ARL17B: variants seen among roughly 807,000 people sequenced by gnomAD.
ARL17B encodes the protein ARF like GTPase 17B.
chr17:46,325,877 A>G (rs2051707109), intron 3 of ARL17B, among the ~76,000 whole-genome samples: 1 of 71,558 alleles, frequency 1.4e-5, no homozygotes, highest in Non-Finnish European at 4.7e-5. Flanking sequence ...TGAAAGTTAT[A>G]CAGGTGTTCA....
At chr17:46,298,509 CAGG>C (rs1371206122), downstream of ARL17B, among the ~76,000 whole-genome samples, 1 of 11,508 alleles carries the variant, frequency 8.7e-5, no homozygotes, top group Non-Finnish European at 4.5e-4. Flanking sequence ...ATCATGAGGT[CAGG>C]AGATCAAGAC....
intron 4 of ARL17B, among the ~76,000 whole-genome samples, chr17:46,291,789 AC>A (rs1250426392): frequency 6.6e-6 from 1 of 151,616 alleles, no homozygotes; most frequent in Non-Finnish European, 1.5e-5. Context: ...AACAATAACA[AC>A]AAAAAACACC....
intron 4 of ARL17B, among the ~76,000 whole-genome samples, chr17:46,286,198 T>G (rs1357390421): frequency 6.6e-6 from 1 of 152,266 alleles, no homozygotes; most frequent in Non-Finnish European, 1.5e-5. Context: ...TAAAATAGTT[T>G]TAGTATTGTG....
At chr17:46,340,963 ACTC>A (rs1275430356) in intron 3 of ARL17B, among the ~76,000 whole-genome samples, 2 of 72,798 alleles carry the variant, frequency 2.7e-5, no homozygotes, top group African/African-American at 4.3e-5. Flanking sequence ...CTGGTTTTGA[ACTC>A]CTGGCCTCAA....
At chr17:46,284,444 G>T (rs2049852264) in intron 4 of ARL17B, among the ~76,000 whole-genome samples, 1 of 152,264 alleles carries the variant, frequency 6.6e-6, no homozygotes, top group African/African-American at 2.4e-5. Flanking sequence ...AGAGCACGGG[G>T]TTGGGGGTAA....
chr17:46,288,354 G>GCT (rs1407685897), intron 4 of ARL17B, among the ~76,000 whole-genome samples: 1 of 147,572 alleles, frequency 6.8e-6, no homozygotes, highest in Non-Finnish European at 1.5e-5. Flanking sequence ...TGTCTCCCAG[G>GCT]CTGGAGTACA....
At chr17:46,282,001 C>T (rs1349571579) in intron 4 of ARL17B, among the ~76,000 whole-genome samples, 1 of 152,074 alleles carries the variant, frequency 6.6e-6, no homozygotes, top group African/African-American at 2.4e-5. Flanking sequence ...GCCTACTTTT[C>T]TTGCTTCCTT....
At chr17:46,275,145 G>T (rs1413077563) in exon 5 of ARL17B, 1 of 257,530 alleles carries the variant, frequency 3.9e-6, no homozygotes, top group Non-Finnish European at 7.0e-6. Context: ...GCCCGCCTTG[G>T]CCTCCCAAAG....
At chr17:46,287,417 T>C (rs2049948751) in intron 4 of ARL17B, among the ~76,000 whole-genome samples, 1 of 152,192 alleles carries the variant, frequency 6.6e-6, no homozygotes, top group African/African-American at 2.4e-5. Context: ...CAATTTAAAT[T>C]TGAAAACAAA....
intron 3 of ARL17B, among the ~76,000 whole-genome samples, chr17:46,321,913 T>A (rs2143910144): frequency 1.7e-4 from 1 of 5,904 alleles, no homozygotes; most frequent in African/African-American, 2.7e-4. Context: ...AGACTCCATC[T>A]CAAAAAAAAA....
At chr17:46,289,689 T>G (rs1342376495) in intron 4 of ARL17B, among the ~76,000 whole-genome samples, 2 of 152,216 alleles carry the variant, frequency 1.3e-5, no homozygotes, top group Non-Finnish European at 2.9e-5. Context: ...ATACCAAAAA[T>G]ATTCCCAAAA....
chr17:46,291,833 C>T (rs576805408), intron 4 of ARL17B, among the ~76,000 whole-genome samples: 62 of 152,062 alleles, frequency 4.1e-4, no homozygotes, highest in African/African-American at 1.4e-3. Flanking sequence ...GCATGGCACG[C>T]GCCTGTAGTC....
Position 46,291,969 on chromosome 17 carries a change from CAA to C in ARL17B, c.*21+7555_*21+7556del, listed in dbSNP as rs59554870. 1.5e-3 allele frequency among the ~76,000 whole-genome samples: 89 copies of C among 58,090 alleles called. No homozygotes were observed. In the South Asian group the frequency reaches 0.022, roughly 14 times the overall value. 38.1% of individuals were successfully genotyped at this position (58,090 alleles called of 152,430 possible). On this transcript the variant is annotated intron_variant, in intron 4 of 4. Transcript: ENST00000570618. Reference sequence around the variant, plus strand: ...GAATAAGGCCCTGCTTCTCAAAAAGCAAAAAAAAAAAAAAAAAAGCCAATAAA... The same window carrying C: ...GAATAAGGCCCTGCTTCTCAAAAAGCAAAAAAAAAAAAAAAAGCCAATAAA...
intron 4 of ARL17B, among the ~76,000 whole-genome samples, chr17:46,278,965 T>G (rs1276322485): frequency 6.6e-6 from 1 of 151,876 alleles, no homozygotes; most frequent in Admixed American, 6.6e-5. Context: ...GCCTAGCTAA[T>G]TTTTGTATTT....
chr17:46,288,286 T>C (rs2907470), intron 4 of ARL17B, among the ~76,000 whole-genome samples: 2,984 of 123,126 alleles, frequency 0.024, no homozygotes, highest in Middle Eastern at 0.042. Context: ...GGACTACAGA[T>C]GTGCACCACC....
intron 4 of ARL17B, among the ~76,000 whole-genome samples, chr17:46,291,371 G>A (rs1164544060): frequency 1.3e-5 from 2 of 152,012 alleles, no homozygotes; most frequent in African/African-American, 2.4e-5. Flanking sequence ...ACAAAACTGT[G>A]AGCAGGACTA....
At chr17:46,284,224 A>T (rs1322042179) in intron 4 of ARL17B, among the ~76,000 whole-genome samples, 1 of 152,260 alleles carries the variant, frequency 6.6e-6, no homozygotes, top group East Asian at 1.9e-4. Context: ...ATTTCAGACT[A>T]TCACATGGGG....
chr17:46,342,632 AT>A (rs748174381), intron 3 of ARL17B, among the ~76,000 whole-genome samples: 5 of 56,280 alleles, frequency 8.9e-5, no homozygotes, highest in Non-Finnish European at 1.4e-4. Flanking sequence ...CTTAAGGACA[AT>A]TTTTTTTTTT....
At chr17:46,275,479 T>C (rs1256973677) in intron 4 of ARL17B, 4 of 707,348 alleles carry the variant, frequency 5.7e-6, no homozygotes, top group Non-Finnish European at 7.2e-6. Context: ...TGATGCTTTA[T>C]GCGGATGCCA....
Sources: allele counts gnomAD v4.1 joint callset (sites outside exome capture counted in the v4.1 genomes callset), GRCh38; gene constraint gnomAD v4.1.1; transcripts MANE v1.5; gene names NCBI Gene and HGNC (gene_info 2026-07-23, HGNC 2026-07-21).